The following WNK1 variants were observed in gnomAD, a reference collection of about 807,000 sequenced individuals.
WNK1 encodes the protein serine/threonine-protein kinase WNK1.
A neutral mutation model predicts 222.8 loss-of-function variants in WNK1; 38 were observed. The ratio of observed to expected loss-of-function variants is 0.17; its 90% CI spans 0.13 to 0.22. WNK1 has a LOEUF of 0.22. Ranked by LOEUF, WNK1 falls within the 10% of genes least tolerant of loss-of-function variation. WNK1 has a pLI of 1.00. For synonymous variants in WNK1, 1,090 were observed against 1,092.9 expected, an observed-to-expected ratio of 1.00 and a Z score of 0.05; for missense variants, 2,348 against 2,918.4, an observed-to-expected ratio of 0.80 and a Z score of 4.50.
intron 1 of WNK1, 65 bp from the exon 2 acceptor site, chr12:813,577 G>A: frequency 6.5e-7 from 1 of 1,544,718 alleles, no homozygotes; most frequent in Admixed American, 1.7e-5. Flanking sequence ...AAGTGTCTAA[G>A]ATTAACTGTC....
chr12:843,819 A>T (rs1026236201), intron 4 of WNK1, among the ~76,000 whole-genome samples: 3 of 152,146 alleles, frequency 2.0e-5, no homozygotes, highest in Non-Finnish European at 4.4e-5. Context: ...GGCCTGTTAA[A>T]ATCTGCATTT....
chr12:907,396 A>C (rs1248058824), intron 26 of WNK1, among the ~76,000 whole-genome samples: 1 of 151,848 alleles, frequency 6.6e-6, no homozygotes, highest in African/African-American at 2.4e-5. Context: ...ATCCTTAGCC[A>C]AGCATCTTTT....
chr12:753,694 C>T lies in WNK1; in HGVS notation c.129C>T (p.Ala43=), dbSNP rs760907920. 3.7e-6 allele frequency: 6 copies of T among 1,612,088 alleles called. No homozygotes were observed. The South Asian group carries it at 5.5e-5, about 15-fold the overall frequency. Residue 43 remains alanine (A), a synonymous_variant, in exon 1 of 28, where the codon GCC becomes GCT. Transcript: ENST00000315939. This position sits in a 1 kb window ranked among gnomAD's most constrained non-coding sequence, Gnocchi z 5.2. The stretch of plus-strand genomic sequence containing the variant: ...TGGGGGAGAAACTGGGAGCCGCGGC[C>T]GCCGACGCTGTGACCGGCAGGACCG... ...SSVGEKLGAA[A]ADAVTGRTEE...
intron 4 of WNK1, among the ~76,000 whole-genome samples, chr12:843,136 C>G (rs1264610634): frequency 6.6e-6 from 1 of 151,962 alleles, no homozygotes; most frequent in Admixed American, 6.6e-5. Flanking sequence ...GGGGTTTTAC[C>G]GTGTTAGTCA....
At chr12:822,087 CTTTTT>C (rs376271992) in intron 2 of WNK1, among the ~76,000 whole-genome samples, 1 of 71,430 alleles carries the variant, frequency 1.4e-5, no homozygotes, top group Non-Finnish European at 2.5e-5. Context: ...TGTCTTATAC[CTTTTT>C]TTTTTTTTTT....
At chr12:756,923 A>G (rs1224672018) in intron 1 of WNK1, among the ~76,000 whole-genome samples, 3 of 152,226 alleles carry the variant, frequency 2.0e-5, no homozygotes, top group African/African-American at 4.8e-5. Flanking sequence ...CTGCCCAGCT[A>G]TTTATTTGAC....
intron 2 of WNK1, among the ~76,000 whole-genome samples, chr12:825,486 T>TA (rs1294203852): frequency 6.6e-6 from 1 of 152,192 alleles, no homozygotes; most frequent in African/African-American, 2.4e-5. Context: ...ATAACCCCTC[T>TA]ACCGCTTGTT....
chr12:797,497 C>A (rs1470695954), intron 1 of WNK1, among the ~76,000 whole-genome samples: 1 of 152,108 alleles, frequency 6.6e-6, no homozygotes, highest in Non-Finnish European at 1.5e-5. Context: ...CAGCAGCAAT[C>A]CTAATGATAG....
At chr12:904,563 T>C (rs1955542896) in intron 26 of WNK1, 1 of 1,077,352 alleles carries the variant, frequency 9.3e-7, no homozygotes, top group Admixed American at 2.3e-5. Flanking sequence ...CTTTCAACTC[T>C]GCAGTCTCAT....
At chr12:867,890 G>C in intron 8 of WNK1, 2 of 1,613,926 alleles carry the variant, frequency 1.2e-6, no homozygotes, top group Non-Finnish European at 1.7e-6. Context: ...GCATCCGTGT[G>C]GGGGGACCCC....
At chr12:895,974 G>A in intron 23 of WNK1, 97 bp from the exon 24 acceptor site, 1 of 1,526,146 alleles carries the variant, frequency 6.6e-7, no homozygotes, top group Admixed American at 1.8e-5. Context: ...TCTTTGACAG[G>A]GAAATAAAGT....
chr12:757,655 T>TAACGA, intron 1 of WNK1, among the ~76,000 whole-genome samples: 2 of 120,220 alleles, frequency 1.7e-5, no homozygotes, highest in African/African-American at 2.6e-5. Context: ...TCAGAAAATA[T>TAACGA]TACTGTTGGG....
At chr12:903,321 AT>A (rs552570109) in intron 26 of WNK1, among the ~76,000 whole-genome samples, 4 of 150,046 alleles carry the variant, frequency 2.7e-5, no homozygotes, top group Non-Finnish European at 4.5e-5. Flanking sequence ...GGCTTGTGTG[AT>A]TTTTTTTTTG....
Position 909,333 on chromosome 12 carries a change from ACT to A in WNK1, c.*544_*545del, listed in dbSNP as rs1304612745. The A allele has an allele frequency of 1.3e-5, 2 of 154,560 alleles. No individual in the cohort carries two copies. Among genetic ancestry groups the A allele is most frequent in the Admixed American group, 1.3e-4 (2 of 15,798 alleles). 9.6% of individuals were successfully genotyped at this position (154,560 alleles called of 1,614,324 possible). On this transcript the variant is annotated 3_prime_UTR_variant, in exon 28 of 28. Coordinates refer to ENST00000315939, the MANE Select transcript of WNK1 (RefSeq NM_018979.4). ...AAAAATACCAGGGTACTGGGGTGCAACTCTTTCTTATGATAGGTCATTAGTGC... is the reference window on the plus strand; with the variant it reads ...AAAAATACCAGGGTACTGGGGTGCAACTTTCTTATGATAGGTCATTAGTGC...
In WNK1 at chr12:885,077, TCTA is replaced by T; in HGVS notation, c.4278_4280del (p.Thr1427del). 1 of 1,614,214 alleles carries T rather than the reference TCTA, an allele frequency of 6.2e-7. No individual in the cohort carries two copies. Among genetic ancestry groups the T allele is most frequent in the South Asian group, 1.1e-5 (1 of 91,084 alleles). ...CACAATACCTGCAGTTGTCTCAATA[TCTA>T]CTACATCCCCGTCACTTCAAGTCCC... is the stretch of plus-strand genomic sequence containing the variant. On this transcript the variant is annotated inframe_deletion, in exon 19 of 28. Coordinates refer to ENST00000315939, the MANE Select transcript of WNK1 (RefSeq NM_018979.4).
At chr12:887,040 C>T (rs1953726930) in intron 19 of WNK1, among the ~76,000 whole-genome samples, 181 bp from the exon 20 acceptor site, 1 of 152,202 alleles carries the variant, frequency 6.6e-6, no homozygotes, top group African/African-American at 2.4e-5. Flanking sequence ...ATAATAACAA[C>T]ATTAGTTGTC....
chr12:792,435 T>A (rs1449096642), intron 1 of WNK1, among the ~76,000 whole-genome samples: 1 of 149,278 alleles, frequency 6.7e-6, no homozygotes, highest in Non-Finnish European at 1.5e-5. Context: ...TGCCTCAGCC[T>A]CCTGAGTAGC....
Position 909,116 on chromosome 12 carries a change from G to T in WNK1, c.*324G>T. 3.0e-6 allele frequency: 1 copy of T among 336,886 alleles called. No homozygotes were observed. The highest frequency in any genetic ancestry group is 3.2e-5 in the South Asian group (1 of 31,744). 20.9% of individuals were successfully genotyped at this position (336,886 alleles called of 1,614,324 possible). ...TCATAAGGAAGCTGGAGAACTCAATGTAAAATCAAACCCATCTGTAATTTC... is the reference window on the plus strand; with the variant it reads ...TCATAAGGAAGCTGGAGAACTCAATTTAAAATCAAACCCATCTGTAATTTC... On this transcript the variant is annotated 3_prime_UTR_variant, in exon 28 of 28. Transcript: ENST00000315939.
chr12:908,147 C>A, intron 27 of WNK1, 113 bp downstream of exon 27: 1 of 1,357,014 alleles, frequency 7.4e-7, no homozygotes, highest in Non-Finnish European at 1.0e-6. Flanking sequence ...AATTTTAATA[C>A]TTTAGAAAAA....
Sources: allele counts gnomAD v4.1 joint callset (sites outside exome capture counted in the v4.1 genomes callset), GRCh38; gene constraint gnomAD v4.1.1; non-coding constraint Gnocchi (gnomAD v3.1); transcripts MANE v1.5; gene names NCBI Gene and HGNC (gene_info 2026-07-23, HGNC 2026-07-21).